Variants in MACROD2 observed in about 807,000 individuals in gnomAD.
MACROD2 encodes ADP-ribose glycohydrolase MACROD2.
Under a neutral mutation model 70.4 loss-of-function variants are expected in MACROD2, and 36 were observed. The ratio of observed to expected loss-of-function variants is 0.51; its 90% CI spans 0.39 to 0.68. MACROD2 has a LOEUF of 0.68. Among genes scored for constraint, MACROD2 ranks in the 30% least tolerant of loss-of-function variants. The pLI, the probability that MACROD2 is intolerant of heterozygous loss-of-function variation, is 0.00. For missense variants in MACROD2, 496 were observed against 538.4 expected (o/e 0.92, Z 0.78); for synonymous variants, 172 against 178.8 (o/e 0.96, Z 0.30).
chr20:14,793,379 C>T (rs1225778881), intron 5 of MACROD2, among the ~76,000 whole-genome samples: 1 of 151,904 alleles, frequency 6.6e-6, no homozygotes, highest in Admixed American at 6.6e-5. Context: ...TTATGAGATG[C>T]CTAACATAAA....
intron 5 of MACROD2, among the ~76,000 whole-genome samples, chr20:15,171,760 C>T (rs143606185): frequency 6.7e-4 from 102 of 152,290 alleles, no homozygotes; most frequent in African/African-American, 2.3e-3. Flanking sequence ...TTCTCTATCA[C>T]TGTGTTTTGT....
chr20:15,229,541 T>A (rs2076941662), intron 5 of MACROD2, among the ~76,000 whole-genome samples: 1 of 152,214 alleles, frequency 6.6e-6, no homozygotes, highest in Non-Finnish European at 1.5e-5. Context: ...TAGCACTGGC[T>A]CTTCCCGTGC....
intron 4 of MACROD2, among the ~76,000 whole-genome samples, chr20:14,563,339 T>C (rs1203863417): frequency 6.6e-6 from 1 of 151,894 alleles, no homozygotes; most frequent in Admixed American, 6.6e-5. Context: ...CAAAAGGGAA[T>C]GGAATTTATT....
intron 3 of MACROD2, among the ~76,000 whole-genome samples, chr20:14,478,317 C>T (rs867125490): frequency 2.0e-5 from 3 of 152,054 alleles, no homozygotes; most frequent in South Asian, 2.1e-4. Context: ...ATATGAGCCA[C>T]CCAGGGAAGG....
chr20:14,475,793 C>T (rs379606), intron 3 of MACROD2, among the ~76,000 whole-genome samples: 146,652 of 152,068 alleles, frequency 0.96, 70,968 homozygotes, highest in East Asian at 1. Context: ...GTTATTTGCT[C>T]CTTTTCTCTT....
intron 5 of MACROD2, among the ~76,000 whole-genome samples, chr20:15,043,501 T>C (rs966826134): frequency 2.0e-5 from 3 of 152,184 alleles, no homozygotes; most frequent in African/African-American, 7.2e-5. Flanking sequence ...ATTCTCTCTC[T>C]GGAGTTTGTC....
At chr20:15,984,937 G>T (rs959207508) in intron 13 of MACROD2, among the ~76,000 whole-genome samples, 14 of 152,066 alleles carry the variant, frequency 9.2e-5, no homozygotes, top group Admixed American at 2.0e-4. Context: ...GGGGAAGGGG[G>T]TCTAAAACTA....
chr20:15,462,158 ATAT>A (rs1363737570), intron 7 of MACROD2, among the ~76,000 whole-genome samples: 6 of 152,202 alleles, frequency 3.9e-5, no homozygotes, highest in African/African-American at 1.4e-4. Context: ...AATTTTGGGA[ATAT>A]TCTACAAAGT....
intron 5 of MACROD2, among the ~76,000 whole-genome samples, chr20:14,964,338 C>T (rs112517376): frequency 0.14 from 20,804 of 151,792 alleles, 1,714 homozygotes; most frequent in East Asian, 0.33. Context: ...TTTGGGAGGC[C>T]GAGGAGGGCA....
intron 8 of MACROD2, among the ~76,000 whole-genome samples, chr20:15,717,070 C>T (rs1392540900): frequency 2.0e-5 from 3 of 152,164 alleles, no homozygotes; most frequent in African/African-American, 7.2e-5. Flanking sequence ...TTCTTTCTGA[C>T]TTAAATACTA....
At chr20:15,902,734 AAGATATAAGTCATGTG>A (rs1052849677) in intron 10 of MACROD2, among the ~76,000 whole-genome samples, 1 of 152,134 alleles carries the variant, frequency 6.6e-6, no homozygotes, top group African/African-American at 2.4e-5. Context: ...AGCCGGCGCC[AAGATATAAGTCATGTG>A]AGTGAACCGT....
intron 5 of MACROD2, among the ~76,000 whole-genome samples, chr20:14,880,258 A>G (rs953158671): frequency 6.6e-6 from 1 of 152,194 alleles, no homozygotes; most frequent in Non-Finnish European, 1.5e-5. Flanking sequence ...CTTCACTGCC[A>G]ACACAGCCTC....
chr20:15,003,446 C>G (rs1421879841), intron 5 of MACROD2, among the ~76,000 whole-genome samples: 2 of 152,080 alleles, frequency 1.3e-5, no homozygotes, highest in African/African-American at 2.4e-5. Context: ...AGAAACATAT[C>G]ATTAGATTTG....
At chr20:14,343,618 C>G (rs988499306) in intron 3 of MACROD2, among the ~76,000 whole-genome samples, 1 of 152,180 alleles carries the variant, frequency 6.6e-6, no homozygotes, top group African/African-American at 2.4e-5. Context: ...GGGAATGAAA[C>G]AATTTGAGAA....
chr20:14,411,338 C>A (rs2083746743), intron 3 of MACROD2, among the ~76,000 whole-genome samples: 1 of 151,992 alleles, frequency 6.6e-6, no homozygotes, highest in Non-Finnish European at 1.5e-5. Context: ...AGTAGTTAGT[C>A]ACCGGCATGC....
intron 3 of MACROD2, among the ~76,000 whole-genome samples, chr20:14,118,382 G>A (rs746790797): frequency 6.6e-6 from 1 of 152,168 alleles, no homozygotes; most frequent in Non-Finnish European, 1.5e-5. Context: ...TCTGCCACTG[G>A]CATTCTTTTG....
In MACROD2 at chr20:14,996,412, T is replaced by C. The variant is rs115855934; in HGVS notation, c.419-233528T>C. Among the ~76,000 whole-genome samples the C allele has an allele frequency of 2.1e-3, 312 of 151,962 alleles. 2 individuals are homozygous for C. Among genetic ancestry groups the C allele is most frequent in the African/African-American group, 6.9e-3 (287 of 41,444 alleles). On this transcript the variant is annotated intron_variant, in intron 5 of 17. Coordinates refer to ENST00000684519, the MANE Select transcript of MACROD2 (RefSeq NM_001351661.2). ...TGATAAAGAAAAGCCCATTGAAGAG[T>C]CTTCCAGAGAGGGGAGGCAGAGCGA...
intron 8 of MACROD2, among the ~76,000 whole-genome samples, chr20:15,679,220 G>A (rs1299539431): frequency 1.4e-5 from 2 of 139,218 alleles, no homozygotes; most frequent in Non-Finnish European, 3.0e-5. Flanking sequence ...CTGGGTGACA[G>A]AGTAAGACTC....
At chr20:14,451,651 G>T (rs565244746) in intron 3 of MACROD2, among the ~76,000 whole-genome samples, 46 of 152,236 alleles carry the variant, frequency 3.0e-4, no homozygotes, top group Non-Finnish European at 4.3e-4. Context: ...TCAGCGGCAG[G>T]CCTAGCCTGA....
Sources: gnomAD v4.1 joint callset for allele counts (sites outside exome capture counted in the v4.1 genomes callset) on GRCh38, gnomAD v4.1.1 for gene constraint, MANE v1.5 for transcripts, NCBI Gene and HGNC (gene_info 2026-07-23, HGNC 2026-07-21) for gene names.